Variants in ANKRD55 observed in about 807,000 individuals in gnomAD.
The protein encoded by ANKRD55 is ankyrin repeat domain-containing protein 55.
Under a neutral mutation model 60.6 loss-of-function variants are expected in ANKRD55, and 41 were observed. That is an observed-to-expected ratio of 0.68 (90% CI 0.53 to 0.88). ANKRD55 has a LOEUF of 0.88. Ranked by LOEUF, ANKRD55 falls within the 40% of genes least tolerant of loss-of-function variation. The pLI is 0.00. For synonymous variants in ANKRD55, 264 were observed against 290.3 expected (o/e 0.91, Z 0.92); for missense variants, 732 against 767.6 (o/e 0.95, Z 0.55).
chr5:56,124,105 A>T (rs1757163283), intron 8 of ANKRD55, among the ~76,000 whole-genome samples: 1 of 152,194 alleles, frequency 6.6e-6, no homozygotes, highest in East Asian at 1.9e-4. Context: ...ATTCCCAGAA[A>T]TACACAGAGA....
At chr5:56,178,058 C>T (rs1046593361) in intron 3 of ANKRD55, among the ~76,000 whole-genome samples, 2 of 152,120 alleles carry the variant, frequency 1.3e-5, no homozygotes, top group Non-Finnish European at 2.9e-5. Flanking sequence ...AGCTATAATT[C>T]GAAGTGGAAG....
intron 11 of ANKRD55, among the ~76,000 whole-genome samples, chr5:56,101,864 T>C (rs223079): frequency 0.38 from 57,855 of 151,930 alleles, 12,918 homozygotes; most frequent in African/African-American, 0.63. Flanking sequence ...GTAAGGAAAC[T>C]GATATCAGGA....
intron 5 of ANKRD55, among the ~76,000 whole-genome samples, chr5:56,166,145 T>TCCTTCCTTC (rs1227655217): frequency 2.3e-5 from 2 of 88,432 alleles, no homozygotes; most frequent in Admixed American, 1.1e-4. Flanking sequence ...TTTCTTTCTT[T>TCCTTCCTTC]CTTTCTTTCT....
chr5:56,160,267 C>T (rs1458771754), intron 5 of ANKRD55, among the ~76,000 whole-genome samples: 1 of 152,198 alleles, frequency 6.6e-6, no homozygotes, highest in Non-Finnish European at 1.5e-5. Context: ...GAGATGGAGT[C>T]TCGCTCTGTT....
chr5:56,105,156 G>A (rs1245944118), intron 10 of ANKRD55, among the ~76,000 whole-genome samples: 1 of 150,392 alleles, frequency 6.6e-6, no homozygotes, highest in African/African-American at 2.5e-5. Flanking sequence ...GTGCCATCGT[G>A]GCTCACGGCA....
At chr5:56,102,664 C>A in intron 10 of ANKRD55, 78 bp from the exon 11 acceptor site, 1 of 978,182 alleles carries the variant, frequency 1.0e-6, no homozygotes, top group Non-Finnish European at 1.6e-6. Context: ...ATAAGAGAAT[C>A]ATCAAAGTTG....
chr5:56,209,039 C>G (rs1034911460), intron 2 of ANKRD55, among the ~76,000 whole-genome samples: 1 of 151,840 alleles, frequency 6.6e-6, no homozygotes, highest in Non-Finnish European at 1.5e-5. Flanking sequence ...CTCACTGCAG[C>G]GTCCACCTCC....
intron 7 of ANKRD55, among the ~76,000 whole-genome samples, chr5:56,135,345 TTC>T (rs1470310722): frequency 1.4e-4 from 3 of 21,216 alleles, no homozygotes; most frequent in African/African-American, 1.1e-3. Flanking sequence ...CTTTCTTTCT[TTC>T]TTTCTTTCTT....
intron 2 of ANKRD55, among the ~76,000 whole-genome samples, chr5:56,225,213 A>G (rs866821525): frequency 2.2e-4 from 33 of 152,304 alleles, no homozygotes; most frequent in African/African-American, 7.5e-4. Context: ...CATCATATAA[A>G]CAGAACCAAA....
intron 2 of ANKRD55, among the ~76,000 whole-genome samples, chr5:56,218,828 G>A (rs12657899): frequency 0.079 from 11,949 of 151,748 alleles, 726 homozygotes; most frequent in African/African-American, 0.17. Context: ...AGAGAGGGAG[G>A]GAAGGAGTGA....
At chr5:56,155,759 C>T (rs888634423) in intron 6 of ANKRD55, among the ~76,000 whole-genome samples, 5 of 151,240 alleles carry the variant, frequency 3.3e-5, no homozygotes, top group African/African-American at 4.9e-5. Flanking sequence ...GTGAGAGGAT[C>T]ACCTGAGCCC....
chr5:56,205,370 T>C (rs1035057382), intron 2 of ANKRD55, among the ~76,000 whole-genome samples: 1 of 152,198 alleles, frequency 6.6e-6, no homozygotes, highest in Non-Finnish European at 1.5e-5. Context: ...CTAGACTTGT[T>C]TTCTGTAAAT....
intron 2 of ANKRD55, among the ~76,000 whole-genome samples, chr5:56,189,577 G>A (rs1396445959): frequency 2.0e-5 from 3 of 152,206 alleles, no homozygotes; most frequent in Admixed American, 6.5e-5. Flanking sequence ...ATCAATAACC[G>A]TTGTCCTTTC....
intron 2 of ANKRD55, among the ~76,000 whole-genome samples, chr5:56,210,294 G>T (rs1485086074): frequency 6.6e-6 from 1 of 152,038 alleles, no homozygotes; most frequent in Non-Finnish European, 1.5e-5. Flanking sequence ...TGCTTTATAG[G>T]CCGGGCGCGG....
At chr5:56,210,764 T>C (rs1284138361) in intron 2 of ANKRD55, among the ~76,000 whole-genome samples, 3 of 152,210 alleles carry the variant, frequency 2.0e-5, no homozygotes, top group Non-Finnish European at 2.9e-5. Flanking sequence ...TCACTGCTTT[T>C]ATGATTAGAA....
intron 4 of ANKRD55, among the ~76,000 whole-genome samples, chr5:56,171,861 G>A (rs1758616076): frequency 6.6e-6 from 1 of 152,154 alleles, no homozygotes; most frequent in African/African-American, 2.4e-5. Flanking sequence ...GCTCACGCCT[G>A]TAATCCCAGC....
chr5:56,228,704 C>T (rs1022668727), intron 2 of ANKRD55, among the ~76,000 whole-genome samples: 2 of 152,272 alleles, frequency 1.3e-5, no homozygotes, highest in East Asian at 3.9e-4. Context: ...GGATTACAGG[C>T]ATGAGCCACT....
At chr5:56,206,466 T>A (rs1759511834) in intron 2 of ANKRD55, among the ~76,000 whole-genome samples, 1 of 152,208 alleles carries the variant, frequency 6.6e-6, no homozygotes, top group African/African-American at 2.4e-5. Context: ...AATTTTGGTA[T>A]GTTGCATACA....
chr5:56,219,273 C>CAA (rs35909700), intron 2 of ANKRD55, among the ~76,000 whole-genome samples: 29,441 of 96,062 alleles, frequency 0.31, 4,549 homozygotes, highest in East Asian at 0.56. Flanking sequence ...ACTCTGCCTC[C>CAA]AAAAAAAAAA....
Sources: allele counts gnomAD v4.1 joint callset (sites outside exome capture counted in the v4.1 genomes callset), GRCh38; gene constraint gnomAD v4.1.1; transcripts MANE v1.5; gene names NCBI Gene and HGNC (gene_info 2026-07-23, HGNC 2026-07-21).